Variants in CEP131 observed in about 807,000 individuals in gnomAD.
CEP131 encodes the protein centrosomal protein 131, also known as centrosomal protein of 131 kDa.
A neutral mutation model predicts 136.8 loss-of-function variants in CEP131; 99 were observed. The observed-to-expected ratio is 0.72, with a 90% CI of 0.62 to 0.86. The LOEUF is 0.86. Ranked by LOEUF, CEP131 falls within the 40% of genes least tolerant of loss-of-function variation. The pLI, the probability that CEP131 is intolerant of heterozygous loss-of-function variation, is 0.00. For missense variants in CEP131, 1,459 were observed against 1,463.0 expected (o/e 1.00, Z 0.04); for synonymous variants, 646 against 612.7 (o/e 1.05, Z -0.80).
intron 24 of CEP131, among the ~76,000 whole-genome samples, chr17:81,190,207 C>G (rs973655648): frequency 8.5e-5 from 13 of 152,200 alleles, no homozygotes; most frequent in Non-Finnish European, 1.6e-4. Flanking sequence ...AGGCCTGGTA[C>G]CCAGATGGGG....
intron 3 of CEP131, among the ~76,000 whole-genome samples, chr17:81,207,850 C>T (rs186651610): frequency 2.9e-3 from 38 of 13,160 alleles, no homozygotes; most frequent in South Asian, 4.3e-3. Flanking sequence ...GGATCAAAAC[C>T]GTGGCCTGGC....
At position 81,220,139 on chromosome 17, in the gene CEP131, T is replaced by C. The variant is rs899903431; in HGVS notation, c.-17-66A>G. On this transcript the variant is annotated intron_variant, in intron 1 of 25. Coordinates refer to ENST00000450824, the MANE Select transcript of CEP131 (RefSeq NM_014984.4). ...GAACTACAGTCCCCTGCACCCACCATCTCCAGCCCAGCCTCAGCTGGGTCC... is the reference window on the plus strand; with the variant it reads ...GAACTACAGTCCCCTGCACCCACCACCTCCAGCCCAGCCTCAGCTGGGTCC... 2.2e-5 allele frequency: 29 copies of C among 1,293,478 alleles called. 1 individual carries two copies. The highest frequency in any genetic ancestry group is 1.3e-4 in the South Asian group (6 of 46,890). The allele number at this position is 1,293,478 out of a possible 1,614,324, so 80.1% of individuals were successfully genotyped here.
chr17:81,191,946 C>G (rs183912300), intron 21 of CEP131, among the ~76,000 whole-genome samples: 13 of 152,228 alleles, frequency 8.5e-5, no homozygotes, highest in Admixed American at 5.2e-4. Context: ...GTCCACCCCC[C>G]ACAGAAGGCC....
intron 2 of CEP131, among the ~76,000 whole-genome samples, chr17:81,218,030 C>T (rs2062292930): frequency 1.3e-5 from 2 of 151,522 alleles, no homozygotes; most frequent in Admixed American, 1.3e-4. Flanking sequence ...TCCCCCTCCC[C>T]CTCCCTCTTT....
At chr17:81,205,437 GTA>G in intron 5 of CEP131, among the ~76,000 whole-genome samples, 1 of 70,766 alleles carries the variant, frequency 1.4e-5, no homozygotes. Context: ...CGGGATGGGG[GTA>G]GGAGGGGTGG....
At chr17:81,195,316 A>G (rs1275045502) in intron 16 of CEP131, among the ~76,000 whole-genome samples, 1 of 152,148 alleles carries the variant, frequency 6.6e-6, no homozygotes, top group African/African-American at 2.4e-5. Context: ...CCCGGCTGTC[A>G]GCCACAGTCA....
At chr17:81,197,954 C>A in intron 12 of CEP131, 66 bp from the exon 13 acceptor site, 1 of 1,561,378 alleles carries the variant, frequency 6.4e-7, no homozygotes, top group Non-Finnish European at 8.7e-7. Context: ...TCCCCAAAGG[C>A]AGAGGTGGCA....
rs1204063227 is a variant in CEP131, at chr17:81,207,111, A to G, written c.387+14T>C. 6 of 1,604,634 alleles carry G rather than the reference A, an allele frequency of 3.7e-6. No individual in the cohort carries two copies. Among genetic ancestry groups the G allele is most frequent in the Non-Finnish European group, 5.1e-6 (6 of 1,176,062 alleles). On this transcript the variant is annotated intron_variant, in intron 4 of 25. Coordinates refer to ENST00000450824, the MANE Select transcript of CEP131 (RefSeq NM_014984.4). Reference sequence around the variant, plus strand: ...CACAGAGACCAGGACGTGGGGCCGCATGCACCACCTTACCAGGACGTTCCA... The same window carrying G: ...CACAGAGACCAGGACGTGGGGCCGCGTGCACCACCTTACCAGGACGTTCCA...
chr17:81,193,955 G>A lies in CEP131; in HGVS notation c.2292C>T (p.Gly764=). The change falls in exon 18 of 26, where the codon GGC becomes GGT. Residue 764 remains glycine, a synonymous_variant. Transcript: ENST00000450824. ...EQLEREKEAL[G]QQERERARQR... is the part of the protein sequence containing the mutation. ...GCCGAGCACGTTCGCGCTCCTGCTG[G>A]CCCAGCGCCTCCTTCTCCCGCTCCA... is the stretch of plus-strand genomic sequence containing the variant. 3 of 1,542,116 alleles carry A rather than the reference G, an allele frequency of 1.9e-6. No homozygotes were observed. The highest frequency in any genetic ancestry group is 2.6e-6 in the Non-Finnish European group (3 of 1,143,038).
intron 5 of CEP131, among the ~76,000 whole-genome samples, chr17:81,205,719 C>T (rs1168219913): frequency 1.3e-5 from 2 of 151,812 alleles, no homozygotes; most frequent in Admixed American, 6.6e-5. Context: ...GGCAACACAG[C>T]GAGACTTCAT....
At chr17:81,196,581 G>T in intron 15 of CEP131, 120 bp downstream of exon 15, 1 of 1,406,124 alleles carries the variant, frequency 7.1e-7, no homozygotes, top group Non-Finnish European at 9.4e-7. Flanking sequence ...TGCGTCCAGC[G>T]GACACCCGTG....
At chr17:81,195,542 G>A (rs1486597877) in intron 16 of CEP131, among the ~76,000 whole-genome samples, 1 of 152,188 alleles carries the variant, frequency 6.6e-6, no homozygotes, top group African/African-American at 2.4e-5. Flanking sequence ...GGGCAGACCA[G>A]GCAGAGGCTC....
rs768382779 is a variant in CEP131 at position 81,195,883 on chromosome 17, G to T, written c.1968C>A (p.Asp656Glu). ...EAVVAELKQE[D>E]QRCTERVAQA... Reference sequence around the variant, plus strand: ...GGGCCACACGCTCGGTGCATCTCTGGTCCTCCTGCTTCAGCTCGGCCACCA... The same window carrying T: ...GGGCCACACGCTCGGTGCATCTCTGTTCCTCCTGCTTCAGCTCGGCCACCA... The change falls in exon 16 of 26, where the codon GAC becomes GAA. Residue 656 changes from aspartate (D) to glutamate (E), a missense_variant. Physicochemically the swap from Asp to Glu is conservative, Grantham distance 45 (BLOSUM62 2). Transcript: ENST00000450824. 6.2e-7 allele frequency: 1 copy of T among 1,609,054 alleles called. No individual in the cohort carries two copies. The highest frequency in any genetic ancestry group is 2.2e-5 in the East Asian group (1 of 44,896).
intron 5 of CEP131, chr17:81,204,014 A>G (rs118190688): frequency 4.7e-4 from 88 of 185,656 alleles, no homozygotes; most frequent in Non-Finnish European, 8.7e-4. Flanking sequence ...GCGGGAGGAC[A>G]GGACCAATAC....
Position 81,219,948 on chromosome 17 carries a change from C to T in CEP131, c.109G>A (p.Ala37Thr), listed in dbSNP as rs754285910. The T allele has an allele frequency of 3.1e-6, 5 of 1,611,782 alleles. No individual in the cohort carries two copies. Among genetic ancestry groups the T allele is most frequent in the Non-Finnish European group, 4.2e-6 (5 of 1,179,054 alleles). The change falls in exon 2 of 26, where the codon GCC becomes ACC. Residue 37 changes from alanine (A) to threonine (T), a missense_variant. Transcript: ENST00000450824. This position sits in a 1 kb window ranked among gnomAD's most constrained non-coding sequence, Gnocchi z 4.0. Reference sequence around the variant, plus strand: ...GAGCGGACGATGGGCTTGGTGGTGGCGGCACTGCCAGGACGCCGGGACACA... The same window carrying T: ...GAGCGGACGATGGGCTTGGTGGTGGTGGCACTGCCAGGACGCCGGGACACA... ...PPVSRRPGSA[A>T]TTKPIVRSVS... is the part of the protein sequence containing the mutation.
chr17:81,216,696 A>G (rs1246239788), intron 2 of CEP131, among the ~76,000 whole-genome samples: 1 of 152,242 alleles, frequency 6.6e-6, no homozygotes, highest in Non-Finnish European at 1.5e-5. Context: ...GTCGGGCAGG[A>G]CAGGCTCACT....
intron 11 of CEP131, 134 bp downstream of exon 11, chr17:81,198,743 G>T: frequency 1.2e-6 from 1 of 836,194 alleles, no homozygotes; most frequent in Non-Finnish European, 1.9e-6. Flanking sequence ...CACCTCCTGG[G>T]TGGCCTCTCT....
rs2062420055 is a variant in CEP131 at position 81,222,906 on chromosome 17, G to C, written c.-155C>G. 6.6e-6 allele frequency: 1 copy of C among 152,278 alleles called. No individual in the cohort carries two copies. Among genetic ancestry groups the C allele is most frequent in the South Asian group, 2.1e-4 (1 of 4,842 alleles). 9.4% of individuals were successfully genotyped at this position (152,278 alleles called of 1,614,324 possible). ...CTGGCGCCCCGCCACCCCCAACACT[G>C]CCCCGAGGCCCGGTGACAATGAAGC... On this transcript the variant is annotated 5_prime_UTR_variant, in exon 1 of 26. Coordinates refer to ENST00000450824, the MANE Select transcript of CEP131 (RefSeq NM_014984.4).
intron 24 of CEP131, 50 bp downstream of exon 24, chr17:81,190,589 C>A: frequency 2.0e-6 from 3 of 1,484,118 alleles, no homozygotes; most frequent in East Asian, 2.5e-5. Flanking sequence ...AGGTCCTGCC[C>A]GCTCCCCTGC....
Sources: gnomAD v4.1 joint callset for allele counts (sites outside exome capture counted in the v4.1 genomes callset) on GRCh38, gnomAD v4.1.1 for gene constraint, Gnocchi (gnomAD v3.1) non-coding constraint, MANE v1.5 for transcripts, NCBI Gene and HGNC (gene_info 2026-07-23, HGNC 2026-07-21) for gene names.